PID1: variants seen among roughly 807,000 people sequenced by gnomAD.
PID1 encodes PTB-containing, cubilin and LRP1-interacting protein.
Under a neutral mutation model 19.1 loss-of-function variants are expected in PID1, and 10 were observed. The ratio of observed to expected loss-of-function variants is 0.52; its 90% CI spans 0.32 to 0.89. The LOEUF (loss-of-function observed/expected upper bound fraction) is 0.89. PID1 is among the 40% of genes least tolerant of loss of function. The pLI is 0.03. For missense variants in PID1, 248 were observed against 285.3 expected, an observed-to-expected ratio of 0.87 and a Z score of 0.94; for synonymous variants, 130 against 116.0, an observed-to-expected ratio of 1.12 and a Z score of -0.78.
chr2:229,219,034 C>T (rs1318402189), intron 1 of PID1, among the ~76,000 whole-genome samples: 2 of 152,170 alleles, frequency 1.3e-5, no homozygotes, highest in African/African-American at 2.4e-5. Flanking sequence ...CACACTAATA[C>T]ACATATATTA....
At chr2:229,134,603 A>G (rs1478737755) in intron 2 of PID1, among the ~76,000 whole-genome samples, 1 of 152,180 alleles carries the variant, frequency 6.6e-6, no homozygotes, top group Non-Finnish European at 1.5e-5. Flanking sequence ...TTGAAGCTAA[A>G]AAAAGTACAA....
intron 1 of PID1, among the ~76,000 whole-genome samples, chr2:229,232,459 T>G (rs1437585463): frequency 1.1e-4 from 7 of 62,972 alleles, no homozygotes; most frequent in African/African-American, 1.7e-4. Context: ...AAAAAAAAAG[T>G]CTCTCTTAAG....
At chr2:229,169,143 C>T (rs973088257) in intron 1 of PID1, among the ~76,000 whole-genome samples, 2 of 152,176 alleles carry the variant, frequency 1.3e-5, no homozygotes, top group African/African-American at 4.8e-5. Flanking sequence ...GTTCTACACT[C>T]TCATGCTAGC....
chr2:229,199,082 A>G (rs1453992815), intron 1 of PID1, among the ~76,000 whole-genome samples: 2 of 151,946 alleles, frequency 1.3e-5, no homozygotes, highest in African/African-American at 4.8e-5. Flanking sequence ...ACTGTGGCCA[A>G]GCTTGTTCCC....
At chr2:229,263,753 A>G (rs1282514919) in intron 1 of PID1, among the ~76,000 whole-genome samples, 1 of 152,234 alleles carries the variant, frequency 6.6e-6, no homozygotes, top group African/African-American at 2.4e-5. Context: ...TGCTTTTCAT[A>G]TAAAACAAAA....
intron 2 of PID1, among the ~76,000 whole-genome samples, chr2:229,082,719 T>C (rs970790265): frequency 6.6e-6 from 1 of 152,118 alleles, no homozygotes; most frequent in Non-Finnish European, 1.5e-5. Flanking sequence ...AAGAAACAAC[T>C]CTGCCAAAGA....
intron 1 of PID1, among the ~76,000 whole-genome samples, chr2:229,253,591 C>A (rs1402013267): frequency 7.0e-5 from 9 of 128,486 alleles, no homozygotes; most frequent in Non-Finnish European, 8.3e-5. Flanking sequence ...AAATTCCAAG[C>A]AAAAAAAAAA....
intron 1 of PID1, among the ~76,000 whole-genome samples, chr2:229,213,427 T>G (rs982418002): frequency 6.6e-6 from 1 of 152,140 alleles, no homozygotes; most frequent in Admixed American, 6.5e-5. Context: ...CTTTTTCCAA[T>G]TAGGAAAATT....
At chr2:229,241,984 T>C (rs562794072) in intron 1 of PID1, among the ~76,000 whole-genome samples, 10 of 152,236 alleles carry the variant, frequency 6.6e-5, no homozygotes, top group South Asian at 6.2e-4. Flanking sequence ...CAGCATCAGG[T>C]ACAGAGCTAT....
chr2:229,153,902 T>C (rs924187931), intron 2 of PID1, among the ~76,000 whole-genome samples: 3 of 152,200 alleles, frequency 2.0e-5, no homozygotes, highest in African/African-American at 7.2e-5. Flanking sequence ...TCATCTTGCT[T>C]TGAGGCACCA....
At chr2:229,060,866 G>T (rs748168898) in intron 2 of PID1, among the ~76,000 whole-genome samples, 10 of 149,602 alleles carry the variant, frequency 6.7e-5, no homozygotes, top group Non-Finnish European at 1.5e-4. Context: ...GATGATTAGT[G>T]ATGAGCGATT....
intron 1 of PID1, among the ~76,000 whole-genome samples, chr2:229,181,016 C>T (rs1287393999): frequency 2.6e-5 from 4 of 152,240 alleles, no homozygotes; most frequent in African/African-American, 9.6e-5. Context: ...GAAAAGAGAA[C>T]TCTCCCCGCG....
chr2:229,107,374 C>T (rs1695198006), intron 2 of PID1, among the ~76,000 whole-genome samples: 1 of 152,024 alleles, frequency 6.6e-6, no homozygotes, highest in South Asian at 2.1e-4. Context: ...GGATATTCTA[C>T]TCTTCACTCA....
chr2:229,132,981 A>AT (rs747885752), intron 2 of PID1, among the ~76,000 whole-genome samples: 79 of 151,628 alleles, frequency 5.2e-4, no homozygotes, highest in Non-Finnish European at 8.8e-4. Flanking sequence ...TTGTGCTTTA[A>AT]TTTTTTTTTA....
chr2:229,140,868 T>C lies in PID1; in HGVS notation c.177+14950A>G, dbSNP rs1462356721. ...GATTTAGCCTATGTATTAATACATT[T>C]ATAATTATCAGTAGTGTTTCTTTTG... is the stretch of plus-strand genomic sequence containing the variant. On this transcript the variant is annotated intron_variant, in intron 2 of 2. Coordinates refer to ENST00000392055, the MANE Select transcript of PID1 (RefSeq NM_001100818.2). Among the ~76,000 whole-genome samples, 6 of 152,178 alleles carry C rather than the reference T, an allele frequency of 3.9e-5. No individual in the cohort carries two copies. In the South Asian group the frequency reaches 1.0e-3, roughly 26 times the overall value.
intron 2 of PID1, among the ~76,000 whole-genome samples, chr2:229,140,860 A>C (rs1214217062): frequency 6.6e-6 from 1 of 152,152 alleles, no homozygotes; most frequent in Non-Finnish European, 1.5e-5. Context: ...CCTATGTATT[A>C]ATACATTTAT....
At chr2:229,119,269 A>G (rs746859034) in intron 2 of PID1, among the ~76,000 whole-genome samples, 2 of 152,214 alleles carry the variant, frequency 1.3e-5, no homozygotes, top group Non-Finnish European at 2.9e-5. Context: ...CTGTTTTACA[A>G]TCAGGAAACT....
intron 2 of PID1, among the ~76,000 whole-genome samples, chr2:229,045,707 T>G (rs1693861252): frequency 6.6e-6 from 1 of 152,234 alleles, no homozygotes; most frequent in South Asian, 2.1e-4. Context: ...ACCTTTCTTT[T>G]GTGAACACAC....
At chr2:229,197,185 TG>T (rs1355143984) in intron 1 of PID1, among the ~76,000 whole-genome samples, 11 of 152,062 alleles carry the variant, frequency 7.2e-5, no homozygotes, top group African/African-American at 2.4e-4. Context: ...TTTCCATAAC[TG>T]AGAAATGAAG....
Sources: allele counts gnomAD v4.1 joint callset (sites outside exome capture counted in the v4.1 genomes callset), GRCh38; gene constraint gnomAD v4.1.1; transcripts MANE v1.5; gene names NCBI Gene and HGNC (gene_info 2026-07-23, HGNC 2026-07-21).